Variants in MYO1E observed in about 807,000 individuals in gnomAD.
MYO1E encodes the protein myosin IE.
A neutral mutation model predicts 151.1 loss-of-function variants in MYO1E; 68 were observed. The ratio of observed to expected loss-of-function variants is 0.45; its 90% CI spans 0.37 to 0.55. The LOEUF is 0.55. Among genes scored for constraint, MYO1E ranks in the 20% least tolerant of loss-of-function variants. MYO1E has a pLI of 0.00. For missense variants in MYO1E, 1,363 were observed against 1,389.3 expected (o/e 0.98, Z 0.30); for synonymous variants, 601 against 501.7 (o/e 1.20, Z -2.64).
chr15:59,149,339 A>C (rs1165860675), intron 26 of MYO1E, among the ~76,000 whole-genome samples: 1 of 152,098 alleles, frequency 6.6e-6, no homozygotes, highest in Non-Finnish European at 1.5e-5. Context: ...TACAGGCGTG[A>C]GCCACCGCGC....
At chr15:59,254,054 A>T (rs2080180597) in intron 4 of MYO1E, among the ~76,000 whole-genome samples, 1 of 152,158 alleles carries the variant, frequency 6.6e-6, no homozygotes, top group South Asian at 2.1e-4. Context: ...AAAAGAATTT[A>T]TAGGAAAATC....
rs750235031 is a variant in MYO1E, at chr15:59,214,726, GAAAGTA to G, written c.1108-12_1108-7del. The G allele has an allele frequency of 6.2e-7, 1 of 1,608,626 alleles. No individual in the cohort carries two copies. Among genetic ancestry groups the G allele is most frequent in the East Asian group, 2.2e-5 (1 of 44,842 alleles). On this transcript the variant is annotated splice_region_variant and splice_polypyrimidine_tract_variant and intron_variant, in intron 10 of 27. Transcript: ENST00000288235. ...TCCATGGCTTTATTGATGGACTAGA[GAAAGTA>G]AACAGCATGGCAGTGAACTCCTTTC...
chr15:59,256,498 C>G (rs2080194770), intron 3 of MYO1E, 120 bp from the exon 4 acceptor site: 1 of 503,206 alleles, frequency 2.0e-6, no homozygotes, highest in Non-Finnish European at 3.4e-6. Flanking sequence ...ACGAATCGTG[C>G]ACTATAGTTC....
intron 22 of MYO1E, among the ~76,000 whole-genome samples, chr15:59,170,697 C>T (rs751212614): frequency 1.3e-5 from 2 of 152,140 alleles, no homozygotes; most frequent in South Asian, 2.1e-4. Context: ...TGAGTTGGCA[C>T]GTTTTAAATA....
chr15:59,205,446 C>T lies in MYO1E; in HGVS notation c.1570G>A (p.Asp524Asn), dbSNP rs887294775. Residue 524 changes from aspartate (D) to asparagine (N), a missense_variant, in exon 15 of 28, where the codon GAT (aspartate) becomes AAT (asparagine). By Grantham distance (23) the Asp-to-Asn change is conservative. Transcript: ENST00000288235. ...DMDGFCERNR[D>N]VLFMDLIELM... ...TCGATGAGATCCATAAAAAGCACATCCCGGTTCCTTTCACAAAAGCCATCC... is the reference window on the plus strand; with the variant it reads ...TCGATGAGATCCATAAAAAGCACATTCCGGTTCCTTTCACAAAAGCCATCC... The T allele has an allele frequency of 6.2e-7, 1 of 1,614,218 alleles. No individual in the cohort carries two copies. The highest frequency in any genetic ancestry group is 8.5e-7 in the Non-Finnish European group (1 of 1,180,048).
chr15:59,203,885 C>G (rs532054328), intron 15 of MYO1E, among the ~76,000 whole-genome samples: 2 of 152,164 alleles, frequency 1.3e-5, no homozygotes, highest in Non-Finnish European at 2.9e-5. Context: ...AACTCAAACT[C>G]ACTTCCTCCT....
intron 1 of MYO1E, among the ~76,000 whole-genome samples, chr15:59,284,314 G>T (rs1037690192): frequency 4.6e-5 from 7 of 152,184 alleles, no homozygotes; most frequent in Non-Finnish European, 1.0e-4. Context: ...AGTTTCCAAG[G>T]CGTTCCTATT....
chr15:59,180,487 G>C (rs545664422), intron 18 of MYO1E, among the ~76,000 whole-genome samples: 2 of 151,764 alleles, frequency 1.3e-5, no homozygotes, highest in Non-Finnish European at 2.9e-5. Context: ...CGTGCAACTG[G>C]AAATGGGTCT....
chr15:59,176,322 A>G (rs1481511307), intron 19 of MYO1E, among the ~76,000 whole-genome samples: 1 of 151,994 alleles, frequency 6.6e-6, no homozygotes, highest in Admixed American at 6.6e-5. Context: ...AGCCCCCCAA[A>G]GTGCTGGGAT....
intron 22 of MYO1E, among the ~76,000 whole-genome samples, chr15:59,165,141 C>A (rs1234265022): frequency 6.6e-6 from 1 of 152,206 alleles, no homozygotes; most frequent in Non-Finnish European, 1.5e-5. Flanking sequence ...ATATTACCCA[C>A]TTTCAGTCCT....
chr15:59,232,735 G>A (rs1218065973), intron 5 of MYO1E, among the ~76,000 whole-genome samples: 1 of 152,204 alleles, frequency 6.6e-6, no homozygotes, highest in Non-Finnish European at 1.5e-5. Context: ...AGGAAAACAG[G>A]AAGAGAAAAA....
chr15:59,268,047 G>A (rs2080266927), intron 2 of MYO1E, among the ~76,000 whole-genome samples: 1 of 152,176 alleles, frequency 6.6e-6, no homozygotes, highest in Non-Finnish European at 1.5e-5. Flanking sequence ...AAGGGATAAA[G>A]TGAGCAATTT....
intron 1 of MYO1E, chr15:59,341,200 C>A (rs2080763486): frequency 6.6e-6 from 1 of 151,852 alleles, no homozygotes; most frequent in Non-Finnish European, 1.5e-5. Context: ...AGGATTTATC[C>A]TTTGTGTTTC....
At chr15:59,355,619 C>G (rs1207029429) in intron 1 of MYO1E, among the ~76,000 whole-genome samples, 2 of 152,240 alleles carry the variant, frequency 1.3e-5, no homozygotes, top group East Asian at 3.8e-4. Context: ...CAAATTCAAC[C>G]TGTCCTTCAA....
At chr15:59,322,181 TA>T (rs11300619) in intron 1 of MYO1E, among the ~76,000 whole-genome samples, 49,467 of 140,100 alleles carry the variant, frequency 0.35, 13,906 homozygotes, top group African/African-American at 0.79. Flanking sequence ...TCTCAAAAAT[TA>T]AAAAAAAAAA....
chr15:59,209,815 C>CTTTTT lies in MYO1E; in HGVS notation c.1362+694_1362+698dup, dbSNP rs71119441. Among the ~76,000 whole-genome samples the CTTTTT allele has an allele frequency of 1.2e-3, 59 of 49,870 alleles. 7 individuals are homozygous for CTTTTT. The highest frequency in any genetic ancestry group is 3.0e-3 in the African/African-American group (30 of 9,984). The allele number at this position is 49,870 out of a possible 152,430, so 32.7% of individuals were successfully genotyped here. ...CTGTATCACTTTTATTTTGAATCAC[C>CTTTTT]TTTTTTTTTTTTTTTTTTTTTTTTT... On this transcript the variant is annotated intron_variant, in intron 13 of 27. Transcript: ENST00000288235.
rs571516657 is a variant in MYO1E at position 59,317,865 on chromosome 15, T to A, written c.4-45416A>T. Among the ~76,000 whole-genome samples, 138 of 152,302 alleles carry A rather than the reference T, an allele frequency of 9.1e-4. 2 individuals carry two copies. The highest frequency in any genetic ancestry group is 2.9e-3 in the South Asian group (14 of 4,830). ...ATGTGGGCTAATTCAATATTTACAA[T>A]TGAGCTACATAACCTCATAAGGCAG... is the stretch of plus-strand genomic sequence containing the variant. On this transcript the variant is annotated intron_variant, in intron 1 of 27. Transcript: ENST00000288235.
intron 1 of MYO1E, among the ~76,000 whole-genome samples, chr15:59,287,166 A>C (rs1369708545): frequency 6.6e-6 from 1 of 152,200 alleles, no homozygotes; most frequent in Non-Finnish European, 1.5e-5. Flanking sequence ...GGGAAAATTA[A>C]GAACAAGCTT....
At chr15:59,291,598 G>C (rs1292941040) in intron 1 of MYO1E, among the ~76,000 whole-genome samples, 1 of 150,084 alleles carries the variant, frequency 6.7e-6, no homozygotes, top group Non-Finnish European at 1.5e-5. Flanking sequence ...CACTTTGGGA[G>C]GTCAAGGCGT....
Sources: gnomAD v4.1 joint callset for allele counts (sites outside exome capture counted in the v4.1 genomes callset) on GRCh38, gnomAD v4.1.1 for gene constraint, MANE v1.5 for transcripts, NCBI Gene and HGNC (gene_info 2026-07-23, HGNC 2026-07-21) for gene names.